The following TFPI variants were observed in gnomAD, a reference collection of about 807,000 sequenced individuals.
TFPI encodes anti-convertin.
A neutral mutation model predicts 34.6 loss-of-function variants in TFPI; 15 were observed. That is an observed-to-expected ratio of 0.43 (90% CI 0.29 to 0.67). The LOEUF (loss-of-function observed/expected upper bound fraction) is 0.67, where lower values mean the gene tolerates loss of function less well. Among genes scored for constraint, TFPI ranks in the 30% least tolerant of loss-of-function variants. TFPI has a pLI of 0.15. For synonymous variants in TFPI, 105 were observed against 120.1 expected (o/e 0.87, Z 0.82); for missense variants, 301 against 364.0 (o/e 0.83, Z 1.41).
chr2:187,469,923 A>G (rs557638723), intron 6 of TFPI, among the ~76,000 whole-genome samples: 43 of 152,258 alleles, frequency 2.8e-4, no homozygotes, highest in African/African-American at 9.6e-4. Flanking sequence ...TGGGATGTGT[A>G]TTATCATCAT....
intron 1 of TFPI, among the ~76,000 whole-genome samples, chr2:187,510,819 A>T (rs971003018): frequency 1.3e-5 from 2 of 152,124 alleles, no homozygotes; most frequent in African/African-American, 4.8e-5. Flanking sequence ...AGGCCCTTAA[A>T]AGGGACAGGA....
At chr2:187,526,827 G>C (rs1299816442) in intron 1 of TFPI, 1 of 152,012 alleles carries the variant, frequency 6.6e-6, no homozygotes, top group African/African-American at 2.4e-5. Flanking sequence ...TTTAGCTGCT[G>C]ATTTATGGTG....
intron 3 of TFPI, among the ~76,000 whole-genome samples, chr2:187,492,359 TAA>T (rs1318797256): frequency 4.6e-5 from 7 of 152,206 alleles, no homozygotes; most frequent in Non-Finnish European, 1.0e-4. Context: ...GTTTTACATT[TAA>T]GTCATTAATC....
intron 1 of TFPI, among the ~76,000 whole-genome samples, chr2:187,540,986 T>A (rs1574528956): frequency 6.6e-6 from 1 of 151,220 alleles, no homozygotes. Flanking sequence ...TAATAACAGA[T>A]CATTCAAGAT....
rs758283776 is a variant in TFPI at position 187,467,740 on chromosome 2, G to T, written c.808+13C>A. ...AAACACTAGTCAATTAATGGGAAGA[G>T]TATCTTCTATACCTTTTTTACATGC... On this transcript the variant is annotated intron_variant, in intron 7 of 7. Transcript: ENST00000233156. 1.3e-5 allele frequency: 21 copies of T among 1,566,018 alleles called. No individual in the cohort carries two copies. The highest frequency in any genetic ancestry group is 1.8e-5 in the Non-Finnish European group (21 of 1,157,512).
At chr2:187,530,087 A>T (rs187327863) in intron 1 of TFPI, among the ~76,000 whole-genome samples, 92 of 152,296 alleles carry the variant, frequency 6.0e-4, no homozygotes, top group Non-Finnish European at 1.1e-3. Context: ...TTTTGCTCAC[A>T]ATAAGAAGGA....
intron 1 of TFPI, among the ~76,000 whole-genome samples, chr2:187,539,361 G>T (rs1052521967): frequency 4.6e-5 from 7 of 152,096 alleles, no homozygotes; most frequent in African/African-American, 1.7e-4. Flanking sequence ...TTATATGTAG[G>T]ACAAGGTAGT....
rs146062760 is a variant in TFPI at position 187,551,785 on chromosome 2, A to G, written c.-3+2415T>C. ...AGAATTATAGTACTGCTATATTTCT[A>G]TAAAAGATAGCAGAATCTACCTTTG... On this transcript the variant is annotated intron_variant, in intron 1 of 7. Coordinates refer to ENST00000233156, the MANE Select transcript of TFPI (RefSeq NM_006287.6). Among the ~76,000 whole-genome samples the G allele has an allele frequency of 3.6e-3, 547 of 152,314 alleles. 1 individual carries two copies. Among genetic ancestry groups the G allele is most frequent in the African/African-American group, 8.2e-3 (342 of 41,578 alleles).
At chr2:187,544,727 A>G (rs1688765537) in intron 1 of TFPI, 1 of 152,204 alleles carries the variant, frequency 6.6e-6, no homozygotes, top group East Asian at 1.9e-4. Context: ...CTGGAGAACT[A>G]CTTGATGAAA....
At chr2:187,467,598 CA>C (rs1477331285) in intron 7 of TFPI, among the ~76,000 whole-genome samples, 154 bp downstream of exon 7, 1 of 151,890 alleles carries the variant, frequency 6.6e-6, no homozygotes, top group African/African-American at 2.4e-5. Flanking sequence ...ACATATCTAG[CA>C]ATATTATCTA....
intron 2 of TFPI, among the ~76,000 whole-genome samples, chr2:187,501,362 C>T (rs1298848925): frequency 3.5e-5 from 5 of 143,000 alleles, no homozygotes; most frequent in African/African-American, 7.7e-5. Context: ...TGCCTGAAAA[C>T]ATATCATGCC....
chr2:187,542,534 C>T (rs12612760), intron 1 of TFPI, among the ~76,000 whole-genome samples: 152,242 of 152,276 alleles, frequency 1, 76,104 homozygotes, highest in Non-Finnish European at 1. Flanking sequence ...GTTTGATGTT[C>T]TCTCTAGGTA....
At position 187,497,084 on chromosome 2, in the gene TFPI, A is replaced by G. The variant is rs1685532755; in HGVS notation, c.122-6T>C. On this transcript the variant is annotated splice_region_variant and splice_polypyrimidine_tract_variant and intron_variant, in intron 2 of 7. Transcript: ENST00000233156. Reference sequence around the variant, plus strand: ...CAGTGGTGGCAACTCCGTATCTATAAAGTAAAAATAAAAGATATAACATGT... The same window carrying G: ...CAGTGGTGGCAACTCCGTATCTATAGAGTAAAAATAAAAGATATAACATGT... 1 of 1,607,340 alleles carries G rather than the reference A, an allele frequency of 6.2e-7. No individual in the cohort carries two copies. Among genetic ancestry groups the G allele is most frequent in the Non-Finnish European group, 8.5e-7 (1 of 1,176,480 alleles).
intron 3 of TFPI, among the ~76,000 whole-genome samples, chr2:187,492,505 G>A (rs1034225573): frequency 2.0e-5 from 3 of 152,134 alleles, no homozygotes; most frequent in African/African-American, 7.2e-5. Flanking sequence ...TGTTGATTTT[G>A]TCAAAGAACA....
chr2:187,547,010 A>G (rs764893961), intron 1 of TFPI: 5 of 152,218 alleles, frequency 3.3e-5, no homozygotes, highest in Non-Finnish European at 5.9e-5. Flanking sequence ...ATTAATAGCT[A>G]AAAAGATCAA....
At chr2:187,548,007 G>A (rs1308473384) in intron 1 of TFPI, among the ~76,000 whole-genome samples, 1 of 151,760 alleles carries the variant, frequency 6.6e-6, no homozygotes, top group East Asian at 1.9e-4. Context: ...TTTATCACAT[G>A]GTACACTTTT....
Position 187,464,421 on chromosome 2 carries a change from A to G in TFPI, c.*2515T>C, listed in dbSNP as rs1387106248. ...GCACTTAATTGTGGAAAATAAAGGAAGACAATAACATCAAGATCTTTTTCC... is the reference window on the plus strand; with the variant it reads ...GCACTTAATTGTGGAAAATAAAGGAGGACAATAACATCAAGATCTTTTTCC... On this transcript the variant is annotated 3_prime_UTR_variant, in exon 8 of 8. Transcript: ENST00000233156. 2.6e-5 allele frequency: 4 copies of G among 152,176 alleles called. No homozygotes were observed. The highest frequency in any genetic ancestry group is 2.6e-4 in the Admixed American group (4 of 15,262). 9.4% of individuals were successfully genotyped at this position (152,176 alleles called of 1,614,324 possible).
chr2:187,539,911 T>C (rs1246878670), intron 1 of TFPI, among the ~76,000 whole-genome samples: 1 of 151,288 alleles, frequency 6.6e-6, no homozygotes, highest in Non-Finnish European at 1.5e-5. Context: ...TTTTTTTTTT[T>C]TTTTTTGAGA....
intron 1 of TFPI, among the ~76,000 whole-genome samples, chr2:187,522,441 AAGTTTTAGTTATGCT>A (rs1002094549): frequency 1.3e-5 from 2 of 152,020 alleles, no homozygotes; most frequent in African/African-American, 4.8e-5. Context: ...AATGGGTACA[AAGTTTTAGTTATGCT>A]AGAATAGTAA....
Sources: gnomAD v4.1 joint callset for allele counts (sites outside exome capture counted in the v4.1 genomes callset) on GRCh38, gnomAD v4.1.1 for gene constraint, MANE v1.5 for transcripts, NCBI Gene and HGNC (gene_info 2026-07-23, HGNC 2026-07-21) for gene names.